The following TTLL4 variants were observed in gnomAD, a reference collection of about 807,000 sequenced individuals.
The protein encoded by TTLL4 is tubulin tyrosine ligase like 4, also known as tubulin monoglutamylase TTLL4.
Under a neutral mutation model 122.7 loss-of-function variants are expected in TTLL4, and 85 were observed. The ratio of observed to expected loss-of-function variants is 0.69; its 90% CI spans 0.58 to 0.83. TTLL4 has a LOEUF of 0.83. TTLL4 is among the 40% of genes least tolerant of loss of function. The pLI, the probability that TTLL4 is intolerant of heterozygous loss-of-function variation, is 0.00. For synonymous variants in TTLL4, 553 were observed against 563.0 expected (o/e 0.98, Z 0.25); for missense variants, 1,363 against 1,488.6 (o/e 0.92, Z 1.39).
At chr2:218,740,940 G>T (rs897047089) in intron 5 of TTLL4, among the ~76,000 whole-genome samples, 1 of 152,196 alleles carries the variant, frequency 6.6e-6, no homozygotes, top group Non-Finnish European at 1.5e-5. Flanking sequence ...AGGTATGGTG[G>T]TGCACACCTG....
In TTLL4 at chr2:218,752,782, T is replaced by C; in HGVS notation, c.2996T>C (p.Leu999Pro). 6.2e-7 allele frequency: 1 copy of C among 1,614,260 alleles called. No individual in the cohort carries two copies. Among genetic ancestry groups the C allele is most frequent in the Non-Finnish European group, 8.5e-7 (1 of 1,180,048 alleles). ...IPDQDFYASV[L>P]DVLTPDDVRI... The stretch of plus-strand genomic sequence containing the variant: ...CCACAGGACTTCTATGCATCTGTGC[T>C]GGATGTCCTGACACCAGATGATGTT... Residue 999 changes from leucine (L) to proline (P), a missense_variant, in exon 17 of 20, where the codon CTG (leucine) becomes CCG (proline). Physicochemically the swap from Leu to Pro is moderately conservative, Grantham distance 98. Around this residue, in one of 3 missense-constraint regions of TTLL4, gnomAD observed 596 missense variants for 655.8 expected, o/e 0.91. Transcript: ENST00000392102.
chr2:218,753,407 C>G, intron 18 of TTLL4, 177 bp from the exon 19 acceptor site: 2 of 830,206 alleles, frequency 2.4e-6, no homozygotes, highest in East Asian at 2.4e-5. Flanking sequence ...GCCTCAACTT[C>G]TTGTTTGATT....
chr2:218,725,598 C>T (rs1458199856), intron 1 of TTLL4, among the ~76,000 whole-genome samples: 1 of 151,908 alleles, frequency 6.6e-6, no homozygotes, highest in African/African-American at 2.4e-5. Context: ...CGCTGTCGTC[C>T]ATGCTGGGGT....
chr2:218,723,212 A>T (rs972573522), intron 1 of TTLL4, among the ~76,000 whole-genome samples: 3 of 152,210 alleles, frequency 2.0e-5, no homozygotes, highest in African/African-American at 7.2e-5. Context: ...TGAGCTTGCC[A>T]CAGTGCCCTC....
At chr2:218,759,348 G>A (rs936088490), downstream of TTLL4, among the ~76,000 whole-genome samples, 4 of 152,184 alleles carry the variant, frequency 2.6e-5, no homozygotes, top group Non-Finnish European at 5.9e-5. Context: ...CCAGGAGTTC[G>A]AGACCAGCCT....
At chr2:218,742,762 T>C (rs1942736361) in intron 5 of TTLL4, among the ~76,000 whole-genome samples, 1 of 152,178 alleles carries the variant, frequency 6.6e-6, no homozygotes, top group Non-Finnish European at 1.5e-5. Flanking sequence ...TTTCCCCCAT[T>C]GGGTAACATC....
intron 2 of TTLL4, among the ~76,000 whole-genome samples, chr2:218,731,224 A>C (rs541014040): frequency 2.6e-5 from 4 of 152,120 alleles, no homozygotes; most frequent in Non-Finnish European, 5.9e-5. Flanking sequence ...CAGCCTAGTC[A>C]ACATAGTGAA....
intron 2 of TTLL4, among the ~76,000 whole-genome samples, chr2:218,736,147 G>C (rs6751825): frequency 0.036 from 5,387 of 151,566 alleles, 305 homozygotes; most frequent in African/African-American, 0.12. Context: ...GCTGATTTTT[G>C]TATTTTTTGT....
chr2:218,739,619 T>C (rs529490904), intron 3 of TTLL4, among the ~76,000 whole-genome samples: 27 of 152,382 alleles, frequency 1.8e-4, no homozygotes, highest in Admixed American at 7.8e-4. Flanking sequence ...TCTCAGTCAT[T>C]CTTGGCATGA....
chr2:218,722,931 G>C (rs1387769037), intron 1 of TTLL4, among the ~76,000 whole-genome samples: 1 of 152,192 alleles, frequency 6.6e-6, no homozygotes, highest in Non-Finnish European at 1.5e-5. Flanking sequence ...CAGGCATGTC[G>C]GGAGTTTCTG....
At chr2:218,722,337 TA>T (rs2106399476) in intron 1 of TTLL4, among the ~76,000 whole-genome samples, 1 of 147,130 alleles carries the variant, frequency 6.8e-6, no homozygotes, top group East Asian at 1.9e-4. Context: ...TTAAAAAAAT[TA>T]CCAGCTTCTT....
At chr2:218,745,859 A>C in intron 7 of TTLL4, 58 bp downstream of exon 7, 1 of 1,481,658 alleles carries the variant, frequency 6.7e-7, no homozygotes, top group Non-Finnish European at 9.4e-7. Flanking sequence ...TGGGCTTTGC[A>C]TAGGGGGAGA....
At chr2:218,729,313 G>A (rs1029500999) in intron 2 of TTLL4, among the ~76,000 whole-genome samples, 2 of 151,922 alleles carry the variant, frequency 1.3e-5, no homozygotes, top group Admixed American at 1.3e-4. Context: ...TTGGTCCCAG[G>A]AAGATTGAGG....
At chr2:218,753,757 G>A in intron 19 of TTLL4, 88 bp downstream of exon 19, 1 of 1,434,542 alleles carries the variant, frequency 7.0e-7, no homozygotes, top group Non-Finnish European at 9.8e-7. Context: ...GTGGCAGTGA[G>A]ATCAGCATTC....
At chr2:218,739,432 G>A (rs1037039092) in intron 3 of TTLL4, among the ~76,000 whole-genome samples, 4 of 152,186 alleles carry the variant, frequency 2.6e-5, no homozygotes, top group Non-Finnish European at 5.9e-5. Context: ...TACGATGGTA[G>A]AGCTGAGTAG....
intron 16 of TTLL4, among the ~76,000 whole-genome samples, chr2:218,752,358 T>C (rs1383372930): frequency 6.6e-6 from 1 of 152,246 alleles, no homozygotes; most frequent in African/African-American, 2.4e-5. Context: ...TATAGACTTT[T>C]ACCCTTTGGG....
intron 2 of TTLL4, among the ~76,000 whole-genome samples, chr2:218,731,607 A>C (rs1942383940): frequency 6.6e-6 from 1 of 152,154 alleles, no homozygotes; most frequent in Non-Finnish European, 1.5e-5. Context: ...TGAGAGTTGT[A>C]ACTACCTTGC....
At chr2:218,753,227 C>G in intron 18 of TTLL4, 42 bp downstream of exon 18, 1 of 1,608,250 alleles carries the variant, frequency 6.2e-7, no homozygotes, top group African/African-American at 1.3e-5. Flanking sequence ...TCTCAGGCCC[C>G]TCCCTCCTCT....
intron 1 of TTLL4, among the ~76,000 whole-genome samples, chr2:218,716,755 C>G (rs528422552): frequency 6.6e-4 from 101 of 152,210 alleles, no homozygotes; most frequent in African/African-American, 2.3e-3. Flanking sequence ...TGCCACTGCA[C>G]TCCAGCCTGG....
Sources: gnomAD v4.1 joint callset for allele counts (sites outside exome capture counted in the v4.1 genomes callset) on GRCh38, gnomAD v4.1.1 for gene constraint, gnomAD v4.1.1 regional missense constraint, MANE v1.5 for transcripts, NCBI Gene and HGNC (gene_info 2026-07-23, HGNC 2026-07-21) for gene names.